SNAP91: variants seen among roughly 807,000 people sequenced by gnomAD.
SNAP91 encodes the protein clathrin coat assembly protein AP180.
SNAP91 carries 27 observed loss-of-function variants against 100.3 expected under a neutral mutation model. The observed-to-expected ratio is 0.27, with a 90% CI of 0.20 to 0.37. The LOEUF is 0.37. Among genes scored for constraint, SNAP91 ranks in the 10% least tolerant of loss-of-function variants. SNAP91 has a pLI of 1.00. For missense variants in SNAP91, 986 were observed against 1,123.7 expected (o/e 0.88, Z 1.75); for synonymous variants, 404 against 398.6 (o/e 1.01, Z -0.16).
chr6:83,575,135 T>G lies in SNAP91; in HGVS notation c.2331-14A>C. 6.4e-7 allele frequency: 1 copy of G among 1,555,208 alleles called. No homozygotes were observed. The highest frequency in any genetic ancestry group is 2.3e-5 in the East Asian group (1 of 44,302). The stretch of plus-strand genomic sequence containing the variant: ...TGAAGATCTCCCCTAAAATTAACCA[T>G]GCAAAACAAGCAAACAAACAAAAAA... On this transcript the variant is annotated splice_polypyrimidine_tract_variant and intron_variant, in intron 25 of 29. Coordinates refer to ENST00000369694, the MANE Select transcript of SNAP91 (RefSeq NM_001242792.2).
intron 5 of SNAP91, among the ~76,000 whole-genome samples, chr6:83,659,807 T>C (rs573963898): frequency 5.1e-4 from 78 of 152,270 alleles, no homozygotes; most frequent in African/African-American, 1.1e-3. Flanking sequence ...TGGAAGTTTA[T>C]AAAACCTGTA....
intron 24 of SNAP91, 85 bp downstream of exon 24, chr6:83,580,365 A>G: frequency 7.4e-7 from 1 of 1,348,918 alleles, no homozygotes; most frequent in South Asian, 1.4e-5. Flanking sequence ...AAAACATATG[A>G]GATGAGAGAG....
At chr6:83,622,217 T>C (rs2096757274) in intron 9 of SNAP91, among the ~76,000 whole-genome samples, 1 of 152,078 alleles carries the variant, frequency 6.6e-6, no homozygotes, top group Admixed American at 6.5e-5. Context: ...CACTAAAAAA[T>C]ACAATGCCAT....
intron 20 of SNAP91, 143 bp downstream of exon 20, chr6:83,592,803 T>C (rs1325728575): frequency 1.2e-5 from 9 of 744,572 alleles, no homozygotes; most frequent in Non-Finnish European, 2.0e-5. Context: ...CAACGGTTGA[T>C]GATGGTCCCA....
intron 7 of SNAP91, among the ~76,000 whole-genome samples, chr6:83,656,370 C>T (rs1254651299): frequency 2.0e-5 from 3 of 152,162 alleles, no homozygotes; most frequent in Non-Finnish European, 4.4e-5. Context: ...GCATAGGCTT[C>T]CCATCGCCAA....
upstream of SNAP91, chr6:83,709,287 C>G (rs217281): frequency 0.96 from 146,920 of 152,320 alleles, 70,873 homozygotes; most frequent in African/African-American, 0.97. Context: ...CCCGGCAAGC[C>G]GGCGGGGAGA....
In SNAP91 at chr6:83,586,865, G is replaced by A. The variant is rs141830574; in HGVS notation, c.2014+4346C>T. On this transcript the variant is annotated intron_variant, in intron 22 of 29. Coordinates refer to ENST00000369694, the MANE Select transcript of SNAP91 (RefSeq NM_001242792.2). ...TTTTGATAATGATTTTTCTAGTCTGGCCTCTTTGGAAGTTGTCCTCTCCAG... is the reference window on the plus strand; with the variant it reads ...TTTTGATAATGATTTTTCTAGTCTGACCTCTTTGGAAGTTGTCCTCTCCAG... Among the ~76,000 whole-genome samples the A allele has an allele frequency of 4.4e-3, 661 of 149,894 alleles. 6 individuals carry two copies. The highest frequency in any genetic ancestry group is 0.015 in the African/African-American group (615 of 40,678).
In SNAP91 at chr6:83,560,226, A is replaced by G. The variant is rs1784973662; in HGVS notation, c.2527-18T>C. On this transcript the variant is annotated intron_variant, in intron 27 of 29. Transcript: ENST00000369694. ...GCAGGAGGCTGAGGAGGAAGAATGG[A>G]GAGTGGTTCAGAGCATGAGTGGAAC... is the stretch of plus-strand genomic sequence containing the variant. 6.3e-7 allele frequency: 1 copy of G among 1,583,436 alleles called. No homozygotes were observed. Among genetic ancestry groups the G allele is most frequent in the Non-Finnish European group, 8.7e-7 (1 of 1,152,976 alleles).
intron 14 of SNAP91, among the ~76,000 whole-genome samples, chr6:83,604,056 G>T (rs1401206620): frequency 1.3e-5 from 2 of 151,342 alleles, no homozygotes; most frequent in African/African-American, 4.9e-5. Flanking sequence ...CTTTTATTTG[G>T]CATTCTTTTA....
rs568191269 is a variant in SNAP91, at chr6:83,692,174, T to G, written c.130+15624A>C. Among the ~76,000 whole-genome samples, 3 of 152,320 alleles carry G rather than the reference T, an allele frequency of 2.0e-5. No individual in the cohort carries two copies. In the East Asian group the frequency reaches 5.8e-4, roughly 29 times the overall value. ...TATTAGATTCTGAAAGGCTCTTTCC[T>G]CTAATAACGATAATTTATAGAGTAA... On this transcript the variant is annotated intron_variant, in intron 2 of 29. Transcript: ENST00000369694.
chr6:83,698,326 C>CAAA, intron 2 of SNAP91, among the ~76,000 whole-genome samples: 1 of 108,170 alleles, frequency 9.2e-6, no homozygotes, highest in East Asian at 2.5e-4. Context: ...TCTCCAAGGC[C>CAAA]AAAAAAAAAA....
chr6:83,706,037 A>C (rs1425592638), intron 2 of SNAP91, among the ~76,000 whole-genome samples: 1 of 152,100 alleles, frequency 6.6e-6, no homozygotes, highest in Non-Finnish European at 1.5e-5. Flanking sequence ...CATATTGGAA[A>C]ACCTCCTACC....
At chr6:83,602,603 G>A (rs2095334118) in intron 14 of SNAP91, among the ~76,000 whole-genome samples, 1 of 152,030 alleles carries the variant, frequency 6.6e-6, no homozygotes, top group South Asian at 2.1e-4. Context: ...CCATGACTGG[G>A]TATCCACCGG....
At chr6:83,603,794 T>C (rs932182553) in intron 14 of SNAP91, among the ~76,000 whole-genome samples, 9 of 152,318 alleles carry the variant, frequency 5.9e-5, no homozygotes, top group East Asian at 1.9e-4. Flanking sequence ...ATGATCTACA[T>C]TGTCTGTATA....
intron 16 of SNAP91, among the ~76,000 whole-genome samples, chr6:83,597,343 A>G (rs902432480): frequency 1.3e-5 from 2 of 152,232 alleles, no homozygotes; most frequent in African/African-American, 2.4e-5. Flanking sequence ...ATAAAATTTG[A>G]ATTTGTTAAA....
At position 83,594,410 on chromosome 6, in the gene SNAP91, G is replaced by T. The variant is rs1182549487; in HGVS notation, c.1396C>A (p.Pro466Thr). Residue 466 changes from proline to threonine, a missense_variant, in exon 17 of 30, where the codon CCT becomes ACT. Pro to Thr is a conservative substitution (Grantham distance 38). This residue lies in a region of SNAP91 where 575 missense variants were observed against 579.9 expected (regional missense o/e 0.99). Coordinates refer to ENST00000369694, the MANE Select transcript of SNAP91 (RefSeq NM_001242792.2). ...EGAAAPATPT[P>T]VAAALDACSG... ...CATGCATCAAGTGCTGCTGCTACAG[G>T]GGTTGGGGTAGCTGGTGCGGCGGCC... The T allele has an allele frequency of 6.4e-7, 1 of 1,553,468 alleles. No individual in the cohort carries two copies. The highest frequency in any genetic ancestry group is 1.2e-5 in the South Asian group (1 of 84,170).
intron 2 of SNAP91, among the ~76,000 whole-genome samples, chr6:83,691,968 A>G (rs186068096): frequency 2.6e-5 from 4 of 152,198 alleles, no homozygotes; most frequent in Non-Finnish European, 5.9e-5. Context: ...AACATTTATC[A>G]ACAAATAAAT....
chr6:83,588,301 TAAG>T (rs1190098443), intron 22 of SNAP91, among the ~76,000 whole-genome samples: 2 of 152,068 alleles, frequency 1.3e-5, no homozygotes, highest in Non-Finnish European at 2.9e-5. Flanking sequence ...AAGAGAGAAA[TAAG>T]AAAGTGTACA....
chr6:83,669,228 TC>T (rs1257845342), intron 2 of SNAP91, among the ~76,000 whole-genome samples: 1 of 151,904 alleles, frequency 6.6e-6, no homozygotes, highest in Non-Finnish European at 1.5e-5. Context: ...AAAGTGTTTT[TC>T]CATAGTCATT....
Sources: allele counts gnomAD v4.1 joint callset (sites outside exome capture counted in the v4.1 genomes callset), GRCh38; gene constraint gnomAD v4.1.1; regional missense constraint gnomAD v4.1.1; transcripts MANE v1.5; gene names NCBI Gene and HGNC (gene_info 2026-07-23, HGNC 2026-07-21).